PFKL: variants seen among roughly 807,000 people sequenced by gnomAD.
The protein encoded by PFKL is phosphofructokinase, liver type, also known as ATP-dependent 6-phosphofructokinase, liver type.
In PFKL, 74 loss-of-function variants were observed where a neutral mutation model predicts 92.1. The ratio of observed to expected loss-of-function variants is 0.80; its 90% CI spans 0.67 to 0.97. The LOEUF (loss-of-function observed/expected upper bound fraction) is 0.97. PFKL is among the 50% of genes least tolerant of loss of function. PFKL has a pLI of 0.00. For synonymous variants in PFKL, 494 were observed against 456.4 expected (o/e 1.08, Z -1.05); for missense variants, 1,028 against 1,116.6 (o/e 0.92, Z 1.13).
At chr21:44,310,791 G>A (rs181146410) in intron 2 of PFKL, among the ~76,000 whole-genome samples, 162 of 152,100 alleles carry the variant, frequency 1.1e-3, no homozygotes, top group South Asian at 4.6e-3. Flanking sequence ...GTCACGCCCC[G>A]GGACACACGG....
At chr21:44,313,575 G>C in intron 5 of PFKL, 63 bp from the exon 6 acceptor site, 1 of 1,536,596 alleles carries the variant, frequency 6.5e-7, no homozygotes, top group Non-Finnish European at 8.9e-7. Flanking sequence ...GCACCCCGCA[G>C]GGAATCGGGC....
intron 12 of PFKL, 124 bp downstream of exon 12, chr21:44,320,271 G>C: frequency 1.3e-6 from 1 of 770,118 alleles, no homozygotes; most frequent in Non-Finnish European, 2.1e-6. Context: ...TCCGAGCTGT[G>C]AGCTGGGAGG....
intron 15 of PFKL, among the ~76,000 whole-genome samples, chr21:44,323,516 G>C (rs2047413128): frequency 6.6e-6 from 1 of 152,176 alleles, no homozygotes; most frequent in African/African-American, 2.4e-5. Flanking sequence ...AGTGGATCTG[G>C]GGTCAGAGTG....
Position 44,312,099 on chromosome 21 carries a change from G to A in PFKL, c.238-6G>A. The A allele has an allele frequency of 6.6e-7, 1 of 1,521,324 alleles. No individual in the cohort carries two copies. Among genetic ancestry groups the A allele is most frequent in the Non-Finnish European group, 8.8e-7 (1 of 1,134,042 alleles). The allele number at this position is 1,521,324 out of a possible 1,614,324, so 94.2% of individuals were successfully genotyped here. Reference sequence around the variant, plus strand: ...TCTCCTGAAGTTTCTGGTCTCCTCTGTGCAGGGCGGCACTATCATTGGCAG... The same window carrying A: ...TCTCCTGAAGTTTCTGGTCTCCTCTATGCAGGGCGGCACTATCATTGGCAG... On this transcript the variant is annotated splice_polypyrimidine_tract_variant and splice_region_variant and intron_variant, in intron 3 of 21. Transcript: ENST00000349048.
At chr21:44,324,333 G>C (rs749889865) in intron 16 of PFKL, 158 bp from the exon 17 acceptor site, 19 of 710,156 alleles carry the variant, frequency 2.7e-5, no homozygotes, top group Non-Finnish European at 4.2e-5. Flanking sequence ...GTGGGGCCCA[G>C]GTGGGAGGTG....
intron 16 of PFKL, 24 bp from the exon 17 acceptor site, chr21:44,324,467 C>T (rs372947057): frequency 1.2e-6 from 2 of 1,611,552 alleles, no homozygotes; most frequent in Admixed American, 1.7e-5. Context: ...CGTGGAGGAC[C>T]CCCGACCCCC....
chr21:44,319,298 T>C, intron 10 of PFKL, 53 bp from the exon 11 acceptor site: 4 of 1,476,406 alleles, frequency 2.7e-6, no homozygotes, highest in Non-Finnish European at 3.8e-6. Context: ...GCAGTAGCCA[T>C]GGGTGTGCGG....
At chr21:44,303,639 C>T (rs2040844461) in intron 1 of PFKL, among the ~76,000 whole-genome samples, 2 of 152,068 alleles carry the variant, frequency 1.3e-5, no homozygotes, top group Non-Finnish European at 2.9e-5. Context: ...CCTGGCCCGC[C>T]ACGCCTCCCT....
Position 44,300,171 on chromosome 21 carries a change from C to A in PFKL, c.66C>A (p.Thr22=). The A allele has an allele frequency of 8.6e-7, 1 of 1,162,182 alleles. No homozygotes were observed. The highest frequency in any genetic ancestry group is 2.2e-5 in the South Asian group (1 of 46,256). 72.0% of individuals were successfully genotyped at this position (1,162,182 alleles called of 1,614,324 possible). A position where few individuals can be genotyped will look rare whatever the true frequency, so the allele number is the denominator to read the frequency against. ...CGGGCAAGGCCATCGGCGTCCTGAC[C>A]AGCGGCGGCGACGCGCAAGGTGGGC... ...SGAGKAIGVL[T]SGGDAQGMNA... is the part of the protein sequence containing the mutation. Residue 22 remains threonine, a synonymous_variant, in exon 1 of 22, where the codon ACC becomes ACA. Coordinates refer to ENST00000349048, the MANE Select transcript of PFKL (RefSeq NM_002626.6).
At chr21:44,315,286 C>T (rs2146473774) in intron 7 of PFKL, 1 of 152,448 alleles carries the variant, frequency 6.6e-6, no homozygotes. Context: ...CCTTCCTGCT[C>T]TGTGTGAGCA....
At chr21:44,300,474 C>G (rs1371676510) in intron 1 of PFKL, among the ~76,000 whole-genome samples, 2 of 152,154 alleles carry the variant, frequency 1.3e-5, no homozygotes, top group Non-Finnish European at 2.9e-5. Context: ...CGGGGCAGGA[C>G]CTCCCGAGGA....
Position 44,322,201 on chromosome 21 carries a change from G to A in PFKL, c.1407G>A (p.Lys469=), listed in dbSNP as rs2047375508. 2.5e-6 allele frequency: 4 copies of A among 1,600,688 alleles called. No homozygotes were observed. The highest frequency in any genetic ancestry group is 2.7e-5 in the African/African-American group (2 of 74,844). ...GTGGTGGCTCCATGCTGGGGACCAAGAGGTGAGCTGCCTGCTGCGGGTACC... is the reference window on the plus strand; with the variant it reads ...GTGGTGGCTCCATGCTGGGGACCAAAAGGTGAGCTGCCTGCTGCGGGTACC... The part of the protein sequence containing the change: ...LGRGGSMLGT[K]RTLPKGQLES... The change falls in exon 14 of 22, where the codon AAG becomes AAA. Residue 469 remains lysine, a splice_region_variant and synonymous_variant. Coordinates refer to ENST00000349048, the MANE Select transcript of PFKL (RefSeq NM_002626.6).
At chr21:44,312,380 G>C (rs572996236) in intron 4 of PFKL, 86 bp downstream of exon 4, 2 of 1,277,654 alleles carry the variant, frequency 1.6e-6, no homozygotes, top group African/African-American at 1.6e-5. Flanking sequence ...ACAGAGGGAC[G>C]AGGGATCCCT....
intron 15 of PFKL, 106 bp from the exon 16 acceptor site, chr21:44,323,658 CAT>C (rs1333143694): frequency 1.1e-5 from 14 of 1,226,834 alleles, no homozygotes; most frequent in African/African-American, 3.0e-5. Flanking sequence ...GCACGGGGCA[CAT>C]GACAGGTCAG....
In PFKL at chr21:44,320,077, C is replaced by T. The variant is rs2145999848; in HGVS notation, c.1128-7C>T. 6.2e-7 allele frequency: 1 copy of T among 1,613,164 alleles called. No homozygotes were observed. ...GCTGTGCATGGTGTGACCCGAATCC[C>T]TTCCAGGAGCTTCGAGAACAACTGG... On this transcript the variant is annotated splice_polypyrimidine_tract_variant and splice_region_variant and intron_variant, in intron 11 of 21. Coordinates refer to ENST00000349048, the MANE Select transcript of PFKL (RefSeq NM_002626.6).
intron 2 of PFKL, 139 bp downstream of exon 2, chr21:44,306,893 G>A (rs534041341): frequency 4.1e-6 from 3 of 738,374 alleles, no homozygotes; most frequent in African/African-American, 1.8e-5. Flanking sequence ...GTCTTGGGGA[G>A]TGTGAGGGGG....
intron 11 of PFKL, 73 bp downstream of exon 11, chr21:44,319,488 G>T: frequency 7.8e-7 from 1 of 1,290,002 alleles, no homozygotes; most frequent in Non-Finnish European, 1.1e-6. Flanking sequence ...TGCTGCAGTG[G>T]CGCTATGCAC....
chr21:44,313,341 G>T (rs543225975), intron 5 of PFKL, among the ~76,000 whole-genome samples, 198 bp downstream of exon 5: 2 of 152,334 alleles, frequency 1.3e-5, no homozygotes, highest in Admixed American at 6.5e-5. Context: ...GGGGGCCTTT[G>T]TGCAGCCCCT....
At position 44,327,183 on chromosome 21, in the gene PFKL, C is replaced by T. The variant is rs1280823647; in HGVS notation, c.*321C>T. The T allele has an allele frequency of 1.2e-5, 5 of 412,876 alleles. No individual in the cohort carries two copies. The highest frequency in any genetic ancestry group is 9.1e-5 in the East Asian group (2 of 21,930). The allele number at this position is 412,876 out of a possible 1,614,324, so 25.6% of individuals were successfully genotyped here. A position where few individuals can be genotyped will look rare whatever the true frequency, so the allele number is the denominator to read the frequency against. ...CGCCCCATGGGCCCTCAGCGTCTCC[C>T]CATGCTGGGCTCACTACATGGGCCA... On this transcript the variant is annotated 3_prime_UTR_variant, in exon 22 of 22. Coordinates refer to ENST00000349048, the MANE Select transcript of PFKL (RefSeq NM_002626.6).
Sources: allele counts gnomAD v4.1 joint callset (sites outside exome capture counted in the v4.1 genomes callset), GRCh38; gene constraint gnomAD v4.1.1; transcripts MANE v1.5; gene names NCBI Gene and HGNC (gene_info 2026-07-23, HGNC 2026-07-21).